PXDNL: variants seen among roughly 807,000 people sequenced by gnomAD.
PXDNL encodes peroxidasin like.
A neutral mutation model predicts 150.8 loss-of-function variants in PXDNL; 145 were observed. The observed-to-expected ratio is 0.96, with a 90% CI of 0.84 to 1.10. PXDNL has a LOEUF of 1.10. Ranked by LOEUF, PXDNL falls within the 50% of genes least tolerant of loss-of-function variation. The pLI is 0.00. For synonymous variants in PXDNL, 757 were observed against 725.7 expected (o/e 1.04, Z -0.69); for missense variants, 2,087 against 1,873.9 (o/e 1.11, Z -2.10).
intron 4 of PXDNL, among the ~76,000 whole-genome samples, chr8:51,518,271 T>C (rs572155997): frequency 1.3e-5 from 2 of 152,340 alleles, no homozygotes; most frequent in South Asian, 4.1e-4. Flanking sequence ...TGGAGCTCCA[T>C]CTGGGCACAT....
At chr8:51,480,623 A>G (rs532072584) in intron 6 of PXDNL, among the ~76,000 whole-genome samples, 1 of 152,314 alleles carries the variant, frequency 6.6e-6, no homozygotes, top group African/African-American at 2.4e-5. Context: ...CTGTGTCCCC[A>G]CCCAAATCTC....
chr8:51,571,473 T>TG (rs1812943854), intron 3 of PXDNL, among the ~76,000 whole-genome samples: 1 of 151,872 alleles, frequency 6.6e-6, no homozygotes, highest in African/African-American at 2.4e-5. Flanking sequence ...ACACTGATGA[T>TG]GTCATTTTGA....
chr8:51,386,498 G>A (rs1358317704), intron 17 of PXDNL, among the ~76,000 whole-genome samples: 3 of 152,110 alleles, frequency 2.0e-5, no homozygotes, highest in African/African-American at 7.2e-5. Context: ...GATACAGAGA[G>A]ATGACAGAGA....
intron 17 of PXDNL, among the ~76,000 whole-genome samples, chr8:51,406,898 C>G (rs1267311366): frequency 6.6e-6 from 1 of 152,208 alleles, no homozygotes; most frequent in East Asian, 1.9e-4. Flanking sequence ...ATGTCCCTGA[C>G]AACTGAAATG....
At chr8:51,548,210 C>T (rs76565233) in intron 4 of PXDNL, among the ~76,000 whole-genome samples, 3,964 of 151,640 alleles carry the variant, frequency 0.026, 95 homozygotes, top group African/African-American at 0.06. Flanking sequence ...AACAACCAAA[C>T]ATTAGAATAA....
intron 8 of PXDNL, among the ~76,000 whole-genome samples, chr8:51,463,171 C>T (rs1347351883): frequency 2.0e-5 from 3 of 152,012 alleles, no homozygotes; most frequent in African/African-American, 7.3e-5. Context: ...CTACTATCAC[C>T]AAGACATATT....
intron 2 of PXDNL, among the ~76,000 whole-genome samples, chr8:51,647,225 T>C (rs949659927): frequency 4.6e-5 from 7 of 152,094 alleles, no homozygotes; most frequent in African/African-American, 1.4e-4. Flanking sequence ...ATATCTTGGA[T>C]GTGCCAATCA....
chr8:51,735,937 T>G (rs969285056), intron 1 of PXDNL, among the ~76,000 whole-genome samples: 6 of 152,156 alleles, frequency 3.9e-5, no homozygotes, highest in African/African-American at 1.4e-4. Context: ...ATTTAGGGGT[T>G]CCTCCCAGAA....
intron 1 of PXDNL, among the ~76,000 whole-genome samples, chr8:51,669,183 T>C (rs1426999935): frequency 6.6e-6 from 1 of 152,214 alleles, no homozygotes; most frequent in East Asian, 1.9e-4. Context: ...AATCAAGTAT[T>C]TTGATTCAGA....
At chr8:51,436,500 A>G (rs1177964156) in intron 12 of PXDNL, 6 of 339,288 alleles carry the variant, frequency 1.8e-5, no homozygotes, top group Non-Finnish European at 3.0e-5. Context: ...TCCTTCTTCC[A>G]TGTGATCCCA....
intron 2 of PXDNL, among the ~76,000 whole-genome samples, chr8:51,624,956 C>T (rs762294606): frequency 2.0e-5 from 3 of 151,778 alleles, no homozygotes; most frequent in Non-Finnish European, 4.4e-5. Flanking sequence ...ATAGTTAACA[C>T]CTAAATCATG....
At chr8:51,606,671 T>C (rs1813842569) in intron 2 of PXDNL, among the ~76,000 whole-genome samples, 1 of 152,120 alleles carries the variant, frequency 6.6e-6, no homozygotes, top group South Asian at 2.1e-4. Context: ...TTTAAAAAAG[T>C]AAAAACAACT....
At chr8:51,619,655 C>G (rs1814198424) in intron 2 of PXDNL, among the ~76,000 whole-genome samples, 1 of 152,284 alleles carries the variant, frequency 6.6e-6, no homozygotes, top group Non-Finnish European at 1.5e-5. Context: ...GTAAGGCATG[C>G]CTTCTCCCCC....
intron 3 of PXDNL, among the ~76,000 whole-genome samples, chr8:51,571,095 T>C (rs945757181): frequency 6.6e-6 from 1 of 150,986 alleles, no homozygotes; most frequent in Admixed American, 6.6e-5. Flanking sequence ...TTCTTTTTTT[T>C]TGAAAAAAAA....
At chr8:51,659,354 C>T (rs960242331) in intron 1 of PXDNL, among the ~76,000 whole-genome samples, 1 of 152,130 alleles carries the variant, frequency 6.6e-6, no homozygotes, top group African/African-American at 2.4e-5. Flanking sequence ...TCTACTCTCC[C>T]CAGCACAAGC....
intron 5 of PXDNL, among the ~76,000 whole-genome samples, chr8:51,497,527 T>G (rs1018323790): frequency 6.6e-6 from 1 of 152,230 alleles, no homozygotes; most frequent in African/African-American, 2.4e-5. Context: ...ATTTTTGCAA[T>G]CTACTCATCT....
At chr8:51,414,067 T>C (rs1165171393) in intron 14 of PXDNL, among the ~76,000 whole-genome samples, 1 of 152,000 alleles carries the variant, frequency 6.6e-6, no homozygotes, top group African/African-American at 2.4e-5. Context: ...AGTTTGAAAA[T>C]AATGTCATTT....
At chr8:51,776,141 C>G (rs1030014431) in intron 1 of PXDNL, among the ~76,000 whole-genome samples, 1 of 152,164 alleles carries the variant, frequency 6.6e-6, no homozygotes, top group African/African-American at 2.4e-5. Context: ...GCTCTCAAAC[C>G]CTGTCTCCTG....
At chr8:51,644,809 A>G (rs929648771) in intron 2 of PXDNL, among the ~76,000 whole-genome samples, 1 of 151,962 alleles carries the variant, frequency 6.6e-6, no homozygotes, top group Non-Finnish European at 1.5e-5. Flanking sequence ...AGCAGCGTGA[A>G]GGGGGCTGAG....
Sources: allele counts gnomAD v4.1 joint callset (sites outside exome capture counted in the v4.1 genomes callset), GRCh38; gene constraint gnomAD v4.1.1; transcripts MANE v1.5; gene names NCBI Gene and HGNC (gene_info 2026-07-23, HGNC 2026-07-21).